ACTR3B: variants seen among roughly 807,000 people sequenced by gnomAD.
ACTR3B encodes the protein actin-related protein 3B.
In ACTR3B, 8 loss-of-function variants were observed where a neutral mutation model predicts 59.0. That is an observed-to-expected ratio of 0.14 (90% CI 0.08 to 0.24). The LOEUF (loss-of-function observed/expected upper bound fraction) is 0.24. Among genes scored for constraint, ACTR3B ranks in the 10% least tolerant of loss-of-function variants. The pLI, the probability that ACTR3B is intolerant of heterozygous loss-of-function variation, is 1.00. For synonymous variants in ACTR3B, 148 were observed against 197.9 expected (o/e 0.75, Z 2.12); for missense variants, 245 against 552.3 (o/e 0.44, Z 5.58).
At chr7:152,766,565 T>TC (rs2098111184) in intron 1 of ACTR3B, among the ~76,000 whole-genome samples, 1 of 152,198 alleles carries the variant, frequency 6.6e-6, no homozygotes, top group African/African-American at 2.4e-5. Context: ...GACAGCAGTC[T>TC]CAGGCCCATT....
intron 1 of ACTR3B, among the ~76,000 whole-genome samples, chr7:152,770,040 A>G (rs1268637364): frequency 1.3e-5 from 2 of 152,180 alleles, no homozygotes; most frequent in Admixed American, 6.6e-5. Context: ...AGCTTCATTT[A>G]GGAAAAGTTC....
At chr7:152,785,493 CAG>C (rs1194127436) in intron 2 of ACTR3B, among the ~76,000 whole-genome samples, 12 of 58,556 alleles carry the variant, frequency 2.0e-4, no homozygotes, top group Admixed American at 3.9e-4. Flanking sequence ...GAGAGAGAGA[CAG>C]AGAGAGAGAG....
At chr7:152,789,972 A>G (rs2098189487) in intron 2 of ACTR3B, among the ~76,000 whole-genome samples, 1 of 139,342 alleles carries the variant, frequency 7.2e-6, no homozygotes, top group South Asian at 2.2e-4. Context: ...AGATGATCAT[A>G]TGGTTTTGGA....
chr7:152,784,448 C>T lies in ACTR3B; in HGVS notation c.100+1206C>T, dbSNP rs2098164891. ...TGAGAACATTTAAGTAACCTCATTC[C>T]GGTTCCTTGCTTGCTGAAAAACTGG... is the stretch of plus-strand genomic sequence containing the variant. On this transcript the variant is annotated intron_variant, in intron 2 of 11. Transcript: ENST00000256001. 2.0e-5 allele frequency among the ~76,000 whole-genome samples: 3 copies of T among 152,134 alleles called. 1 individual carries two copies. The highest frequency in any genetic ancestry group is 3.4e-3 in the Middle Eastern group (1 of 294).
chr7:152,827,446 G>C (rs1332427329), intron 9 of ACTR3B, among the ~76,000 whole-genome samples: 3 of 151,984 alleles, frequency 2.0e-5, no homozygotes, highest in Non-Finnish European at 4.4e-5. Context: ...GGAAAGGAGA[G>C]ACACAAAGGA....
rs771459772 is a variant in ACTR3B, at chr7:152,823,365, C to T, written c.708C>T (p.Pro236=). Residue 236 remains proline, a synonymous_variant, in exon 8 of 12, where the codon CCC becomes CCT. Coordinates refer to ENST00000256001, the MANE Select transcript of ACTR3B (RefSeq NM_020445.6). The part of the protein sequence containing the change: ...AIKEKYCYIC[P]DIVKEFAKYD... ...AGGAGAAATACTGTTACATTTGCCCCGATATAGTCAAGGAATTTGCCAAGT... is the reference window on the plus strand; with the variant it reads ...AGGAGAAATACTGTTACATTTGCCCTGATATAGTCAAGGAATTTGCCAAGT... 24 of 1,613,966 alleles carry T rather than the reference C, an allele frequency of 1.5e-5. No homozygotes were observed. The highest frequency in any genetic ancestry group is 1.6e-4 in the Middle Eastern group (1 of 6,082).
At chr7:152,812,035 TTTTTTTTTTTTTTGAGAC>T (rs1331519566) in intron 4 of ACTR3B, 1 of 55,602 alleles carries the variant, frequency 1.8e-5, no homozygotes, top group Non-Finnish European at 4.3e-5. Flanking sequence ...TTTTTTTTTT[TTTTTTTTTTTTTTGAGAC>T]GGAGTCTTAC....
Position 152,854,641 on chromosome 7 carries a change from C to T in ACTR3B, c.*88C>T, listed in dbSNP as rs1373541902. 23 of 1,387,692 alleles carry T rather than the reference C, an allele frequency of 1.7e-5. No individual in the cohort carries two copies. The highest frequency in any genetic ancestry group is 2.3e-5 in the East Asian group (1 of 43,104). 86.0% of individuals were successfully genotyped at this position (1,387,692 alleles called of 1,614,324 possible). On this transcript the variant is annotated 3_prime_UTR_variant, in exon 12 of 12. Transcript: ENST00000256001. The surrounding 1 kb of genome is among the most constrained non-coding windows in gnomAD (Gnocchi z 4.9). The stretch of plus-strand genomic sequence containing the variant: ...GAGAAGGCCGCCGTTCTGTAAATAG[C>T]GACGTCGGTGTTGCTGCCCAGCAGC...
chr7:152,847,175 C>CG (rs1391559923), intron 9 of ACTR3B, among the ~76,000 whole-genome samples: 1 of 125,708 alleles, frequency 8.0e-6, no homozygotes, highest in Non-Finnish European at 1.7e-5. Context: ...CTCTAGTGCC[C>CG]GGGCTGTAGT....
At chr7:152,780,719 T>A (rs1376035726) in intron 1 of ACTR3B, among the ~76,000 whole-genome samples, 1 of 151,952 alleles carries the variant, frequency 6.6e-6, no homozygotes, top group Non-Finnish European at 1.5e-5. Flanking sequence ...TTACCATTTG[T>A]TTCATACATT....
chr7:152,789,147 T>C (rs1590256483), intron 2 of ACTR3B, among the ~76,000 whole-genome samples: 3 of 151,870 alleles, frequency 2.0e-5, no homozygotes, highest in Non-Finnish European at 4.4e-5. Context: ...TGCAGCACTT[T>C]GGTAGGCCGA....
intron 1 of ACTR3B, among the ~76,000 whole-genome samples, chr7:152,779,981 T>A (rs1001278378): frequency 6.6e-6 from 1 of 152,170 alleles, no homozygotes; most frequent in Non-Finnish European, 1.5e-5. Flanking sequence ...TCTGAAGAAT[T>A]TGTGCTTTTG....
chr7:152,827,347 C>T (rs2689577), intron 9 of ACTR3B, among the ~76,000 whole-genome samples: 3 of 152,180 alleles, frequency 2.0e-5, no homozygotes, highest in African/African-American at 2.4e-5. Flanking sequence ...AGAGAATTCA[C>T]GTAGGATTGA....
At position 152,846,273 on chromosome 7, in the gene ACTR3B, C is replaced by T. The variant is rs1383542982; in HGVS notation, c.952-5853C>T. The stretch of plus-strand genomic sequence containing the variant: ...GTAGTCTGTAGTGAGCCCCAGCGCC[C>T]GGGCTGCAGTCTGTAGTGAGCTCTA... On this transcript the variant is annotated intron_variant, in intron 9 of 11. Transcript: ENST00000256001. 2.2e-5 allele frequency among the ~76,000 whole-genome samples: 3 copies of T among 136,962 alleles called. No individual in the cohort carries two copies. In the Admixed American group the frequency reaches 2.2e-4, roughly 10 times the overall value. The allele number at this position is 136,962 out of a possible 152,430, so 89.9% of individuals were successfully genotyped here.
intron 9 of ACTR3B, among the ~76,000 whole-genome samples, chr7:152,834,350 C>T (rs1482741786): frequency 9.2e-5 from 14 of 152,098 alleles, no homozygotes; most frequent in East Asian, 1.9e-4. Flanking sequence ...GACGGGGTTT[C>T]GCCATGTTGG....
At chr7:152,785,497 G>GAGAC (rs2098170789) in intron 2 of ACTR3B, among the ~76,000 whole-genome samples, 4 of 117,682 alleles carry the variant, frequency 3.4e-5, no homozygotes, top group Non-Finnish European at 1.7e-5. Context: ...GAGAGACAGA[G>GAGAC]AGAGAGAGAG....
chr7:152,784,029 G>T (rs1234527060), intron 2 of ACTR3B, among the ~76,000 whole-genome samples: 1 of 151,986 alleles, frequency 6.6e-6, no homozygotes, highest in African/African-American at 2.4e-5. Flanking sequence ...GGTGGAGGTT[G>T]CAGTGAGCCG....
chr7:152,832,104 G>A (rs1339503835), intron 9 of ACTR3B, among the ~76,000 whole-genome samples: 4 of 152,192 alleles, frequency 2.6e-5, no homozygotes, highest in African/African-American at 9.7e-5. Context: ...ATGGCTGTAG[G>A]TGGCTCATGG....
intron 2 of ACTR3B, among the ~76,000 whole-genome samples, chr7:152,790,084 C>A (rs1447220002): frequency 3.7e-5 from 5 of 133,614 alleles, no homozygotes; most frequent in African/African-American, 1.4e-4. Context: ...CCTTGACTTT[C>A]CAGGTTCAAG....
Sources: gnomAD v4.1 joint callset for allele counts (sites outside exome capture counted in the v4.1 genomes callset) on GRCh38, gnomAD v4.1.1 for gene constraint, Gnocchi (gnomAD v3.1) non-coding constraint, MANE v1.5 for transcripts, NCBI Gene and HGNC (gene_info 2026-07-23, HGNC 2026-07-21) for gene names.